LRRC49: variants seen among roughly 807,000 people sequenced by gnomAD.
LRRC49 encodes leucine rich repeat containing 49, also known as leucine-rich repeat-containing protein 49.
Under a neutral mutation model 83.3 loss-of-function variants are expected in LRRC49, and 50 were observed. The observed-to-expected ratio is 0.60, with a 90% CI of 0.48 to 0.76. The LOEUF is 0.76. Among genes scored for constraint, LRRC49 ranks in the 30% least tolerant of loss-of-function variants. The probability of loss-of-function intolerance (pLI) is 0.00; values close to 1 mark genes in which losing one functional copy is unlikely to be tolerated. For synonymous variants in LRRC49, 286 were observed against 283.3 expected (o/e 1.01, Z -0.10); for missense variants, 704 against 809.1 (o/e 0.87, Z 1.58).
At chr15:70,936,658 G>A (rs2035609559) in intron 7 of LRRC49, 103 bp from the exon 8 acceptor site, 2 of 705,830 alleles carry the variant, frequency 2.8e-6, no homozygotes, top group Admixed American at 4.2e-5. Flanking sequence ...TAGCAATGTT[G>A]CAGTAAATAG....
intron 11 of LRRC49, among the ~76,000 whole-genome samples, chr15:70,991,507 G>A (rs2037877845): frequency 6.6e-6 from 1 of 152,138 alleles, no homozygotes; most frequent in Admixed American, 6.6e-5. Context: ...ATTTAATACA[G>A]TGCCTACACA....
chr15:70,854,127 G>T, intron 1 of LRRC49: 3 of 1,215,056 alleles, frequency 2.5e-6, no homozygotes, highest in Non-Finnish European at 3.1e-6. Context: ...TCCTCACGCC[G>T]CAAGGCCCAG....
intron 7 of LRRC49, among the ~76,000 whole-genome samples, chr15:70,919,490 A>T (rs972657923): frequency 6.6e-6 from 1 of 152,224 alleles, no homozygotes; most frequent in Non-Finnish European, 1.5e-5. Context: ...TGGGTATAGA[A>T]TTAATAAGAA....
intron 1 of LRRC49, among the ~76,000 whole-genome samples, chr15:70,866,559 A>G (rs1232743719): frequency 6.6e-6 from 1 of 152,212 alleles, no homozygotes; most frequent in Non-Finnish European, 1.5e-5. Context: ...CATTCTGTGC[A>G]ACTGTCCTGG....
intron 10 of LRRC49, among the ~76,000 whole-genome samples, chr15:70,981,596 T>G (rs200614121): frequency 1.4e-4 from 1 of 7,270 alleles, no homozygotes; most frequent in Admixed American, 3.1e-3. Flanking sequence ...TGCTTTTCTA[T>G]TTTTTTTATT....
At chr15:70,857,423 G>A (rs531193864) in intron 1 of LRRC49, among the ~76,000 whole-genome samples, 4 of 152,104 alleles carry the variant, frequency 2.6e-5, no homozygotes, top group Non-Finnish European at 4.4e-5. Flanking sequence ...TTAAGCCCAG[G>A]AGGTCGAGGC....
At chr15:70,867,500 G>T (rs74021903) in intron 1 of LRRC49, among the ~76,000 whole-genome samples, 1,671 of 152,226 alleles carry the variant, frequency 0.011, 39 homozygotes, top group African/African-American at 0.039. Context: ...GCAGTCCCAA[G>T]TCCCAATGAT....
chr15:70,912,264 CTGTT>C (rs1376854572), intron 6 of LRRC49, among the ~76,000 whole-genome samples: 2 of 151,878 alleles, frequency 1.3e-5, no homozygotes, highest in African/African-American at 4.8e-5. Context: ...TTGTTGTTGT[CTGTT>C]TGTTTTATCT....
chr15:70,892,150 G>T, upstream of LRRC49: 1 of 1,613,218 alleles, frequency 6.2e-7, no homozygotes, highest in Non-Finnish European at 8.5e-7. Flanking sequence ...ACCAGTCGGC[G>T]CGGCAACCCC....
At chr15:70,948,542 C>T (rs989313419) in intron 8 of LRRC49, among the ~76,000 whole-genome samples, 3 of 148,714 alleles carry the variant, frequency 2.0e-5, no homozygotes, top group Non-Finnish European at 4.4e-5. Flanking sequence ...GGATGTAATC[C>T]TTTACTATTA....
intron 1 of LRRC49, among the ~76,000 whole-genome samples, chr15:70,864,031 A>G (rs2032857413): frequency 6.6e-6 from 1 of 151,912 alleles, no homozygotes; most frequent in African/African-American, 2.4e-5. Flanking sequence ...TGCCCATTGG[A>G]TAGGGTATAG....
At chr15:71,019,874 C>T (rs1220679894) in intron 14 of LRRC49, among the ~76,000 whole-genome samples, 1 of 152,152 alleles carries the variant, frequency 6.6e-6, no homozygotes, top group East Asian at 1.9e-4. Flanking sequence ...AAAGAATCCT[C>T]ATGGCTAATT....
At chr15:70,888,257 A>G (rs901010331), upstream of LRRC49, among the ~76,000 whole-genome samples, 4 of 152,188 alleles carry the variant, frequency 2.6e-5, no homozygotes, top group Admixed American at 6.5e-5. Flanking sequence ...GGTAAGAGGT[A>G]TTAATCAATT....
chr15:71,048,333 G>A (rs1297250218), intron 15 of LRRC49, among the ~76,000 whole-genome samples: 2 of 151,896 alleles, frequency 1.3e-5, no homozygotes, highest in Non-Finnish European at 1.5e-5. Context: ...GGCCTTAAGC[G>A]ATCCTCCTGC....
intron 11 of LRRC49, among the ~76,000 whole-genome samples, chr15:70,997,847 G>A (rs1157390069): frequency 6.6e-6 from 1 of 152,136 alleles, no homozygotes; most frequent in Non-Finnish European, 1.5e-5. Flanking sequence ...CTACCATTTT[G>A]TTACTTGCTT....
chr15:71,031,455 A>G (rs1013712282), intron 14 of LRRC49, among the ~76,000 whole-genome samples: 1 of 152,210 alleles, frequency 6.6e-6, no homozygotes, highest in Non-Finnish European at 1.5e-5. Context: ...GGTTTCTCCC[A>G]TTCAGGAGGC....
rs2033405823 is a variant in LRRC49 at position 70,886,289 on chromosome 15, C to G, written c.19-7295C>G. On this transcript the variant is annotated intron_variant, in intron 2 of 16. Transcript: ENST00000544974. ...GCAAAAGGTATTCCACAAAATATCTCTAACATAGCCCCCTCTCAGGACCCA... is the reference window on the plus strand; with the variant it reads ...GCAAAAGGTATTCCACAAAATATCTGTAACATAGCCCCCTCTCAGGACCCA... 1.3e-5 allele frequency among the ~76,000 whole-genome samples: 2 copies of G among 152,076 alleles called. 1 individual carries two copies. The highest frequency in any genetic ancestry group is 4.1e-4 in the South Asian group (2 of 4,820).
intron 11 of LRRC49, among the ~76,000 whole-genome samples, chr15:70,994,458 T>A (rs1204592393): frequency 6.6e-6 from 1 of 150,760 alleles, no homozygotes; most frequent in East Asian, 1.9e-4. Flanking sequence ...TTCTTCCATA[T>A]GAGCTTTATT....
intron 12 of LRRC49, among the ~76,000 whole-genome samples, chr15:71,008,963 T>C (rs2038556365): frequency 6.6e-6 from 1 of 151,970 alleles, no homozygotes; most frequent in Non-Finnish European, 1.5e-5. Flanking sequence ...AATGTATATT[T>C]ACTGTATAAT....
Sources: allele counts gnomAD v4.1 joint callset (sites outside exome capture counted in the v4.1 genomes callset), GRCh38; gene constraint gnomAD v4.1.1; transcripts MANE v1.5; gene names NCBI Gene and HGNC (gene_info 2026-07-23, HGNC 2026-07-21).